LZIC: variants seen among roughly 807,000 people sequenced by gnomAD.
LZIC encodes leucine zipper and CTNNBIP1 domain containing, also known as protein LZIC.
In LZIC, 28 loss-of-function variants were observed where a neutral mutation model predicts 25.4. The observed-to-expected ratio is 1.10, with a 90% CI of 0.82 to 1.51. LZIC has a LOEUF of 1.51. Among genes scored for constraint, LZIC ranks in the 40% most tolerant of loss-of-function variants. LZIC has a pLI of 0.00. For missense variants in LZIC, 170 were observed against 211.1 expected (o/e 0.81, Z 1.21); for synonymous variants, 65 against 70.7 (o/e 0.92, Z 0.40).
At chr1:9,932,485 C>T (rs1370332903) in intron 6 of LZIC, among the ~76,000 whole-genome samples, 1 of 151,252 alleles carries the variant, frequency 6.6e-6, no homozygotes, top group Middle Eastern at 3.2e-3. Context: ...GAGTTCAAGA[C>T]CAGCCTGGCC....
chr1:9,932,765 T>C (rs750112839), intron 6 of LZIC, 38 bp downstream of exon 6: 11 of 1,175,798 alleles, frequency 9.4e-6, no homozygotes, highest in Admixed American at 1.7e-5. Context: ...AAATAATTCA[T>C]ACTTTTTCTT....
downstream of LZIC, among the ~76,000 whole-genome samples, chr1:9,923,934 T>C (rs1639920282): frequency 6.6e-6 from 1 of 152,132 alleles, no homozygotes; most frequent in Admixed American, 6.6e-5. Context: ...TGTATTTTTG[T>C]AGAGATGGGG....
rs768481714 is a variant in LZIC at position 9,932,784 on chromosome 1, A to C, written c.432+19T>G. ...AATTCATACTTTTTCTTTGTAACTA[A>C]TATATTAAATACTGGTACCTTCTCT... is the stretch of plus-strand genomic sequence containing the variant. On this transcript the variant is annotated intron_variant, in intron 6 of 7. Coordinates refer to ENST00000377223, the MANE Select transcript of LZIC (RefSeq NM_032368.5). 4.3e-6 allele frequency: 6 copies of C among 1,393,128 alleles called. No homozygotes were observed. Among genetic ancestry groups the C allele is most frequent in the Non-Finnish European group, 5.1e-6 (5 of 982,094 alleles). 86.3% of individuals were successfully genotyped at this position (1,393,128 alleles called of 1,614,324 possible). A position where few individuals can be genotyped will look rare whatever the true frequency, so the allele number is the denominator to read the frequency against.
rs1400016681 is a variant in LZIC, at chr1:9,932,855, T to TACA, written c.377_379dup (p.Leu126dup). On this transcript the variant is annotated inframe_insertion, in exon 6 of 8. Coordinates refer to ENST00000377223, the MANE Select transcript of LZIC (RefSeq NM_032368.5). The stretch of plus-strand genomic sequence containing the variant: ...TAGTATCTCCACTTTCTGTTGAGTG[T>TACA]ACAGGTCTCTTTCCAGCTTTCCTAC... The TACA allele has an allele frequency of 6.2e-7, 1 of 1,613,126 alleles. No homozygotes were observed. The highest frequency in any genetic ancestry group is 8.5e-7 in the Non-Finnish European group (1 of 1,179,186).
Position 9,942,636 on chromosome 1 carries a change from A to T in LZIC, c.-21T>A. The stretch of plus-strand genomic sequence containing the variant: ...CATTCATGCTCACCTGTCTCTTAGT[A>T]CTCTGATCTCTGCACAGTGCCGACC... On this transcript the variant is annotated 5_prime_UTR_variant, in exon 2 of 8. Coordinates refer to ENST00000377223, the MANE Select transcript of LZIC (RefSeq NM_032368.5). 1 of 1,286,252 alleles carries T rather than the reference A, an allele frequency of 7.8e-7. No individual in the cohort carries two copies. Among genetic ancestry groups the T allele is most frequent in the Non-Finnish European group, 1.0e-6 (1 of 986,216 alleles). The allele number at this position is 1,286,252 out of a possible 1,614,324, so 79.7% of individuals were successfully genotyped here. A position where few individuals can be genotyped will look rare whatever the true frequency, so the allele number is the denominator to read the frequency against.
At chr1:9,922,340 A>T (rs1639885751), downstream of LZIC, 1 of 985,120 alleles carries the variant, frequency 1.0e-6, no homozygotes, top group Non-Finnish European at 1.2e-6. Context: ...CAGGTAGTTC[A>T]TGTAACTTGG....
At chr1:9,934,354 A>G (rs1217194926) in intron 5 of LZIC, among the ~76,000 whole-genome samples, 1 of 152,202 alleles carries the variant, frequency 6.6e-6, no homozygotes, top group East Asian at 1.9e-4. Context: ...ATACTTACAA[A>G]TAATTTGGTA....
rs1244040187 is a variant in LZIC, at chr1:9,927,676, CTCT to C, written c.*2720_*2722del. On this transcript the variant is annotated 3_prime_UTR_variant, in exon 8 of 8. Coordinates refer to ENST00000377223, the MANE Select transcript of LZIC (RefSeq NM_032368.5). ...GCAGGGTAAGGGAAGAATCTTCTTC[CTCT>C]TTTTTTTTTTTTTTTTTTTTTTGAG... 7.7e-4 allele frequency among the ~76,000 whole-genome samples: 107 copies of C among 139,256 alleles called. No homozygotes were observed. The highest frequency in any genetic ancestry group is 2.8e-3 in the African/African-American group (97 of 35,080). The allele number at this position is 139,256 out of a possible 152,430, so 91.4% of individuals were successfully genotyped here.
At position 9,929,194 on chromosome 1, in the gene LZIC, T is replaced by G. The variant is rs1190651136; in HGVS notation, c.*1205A>C. On this transcript the variant is annotated 3_prime_UTR_variant, in exon 8 of 8. Coordinates refer to ENST00000377223, the MANE Select transcript of LZIC (RefSeq NM_032368.5). ...TTTTATGATATATGAATTTCACCTC[T>G]TTTAAGTTCCAAATAAGGCATCAGT... The G allele has an allele frequency of 4.0e-6, 2 of 503,738 alleles. No individual in the cohort carries two copies. Among genetic ancestry groups the G allele is most frequent in the Non-Finnish European group, 5.1e-6 (2 of 389,998 alleles). 31.2% of individuals were successfully genotyped at this position (503,738 alleles called of 1,614,324 possible).
At chr1:9,941,624 C>T in intron 2 of LZIC, among the ~76,000 whole-genome samples, 1 of 151,886 alleles carries the variant, frequency 6.6e-6, no homozygotes, top group East Asian at 1.9e-4. Flanking sequence ...CTCGGCCTCC[C>T]AAGTAGCTGG....
chr1:9,930,132 T>C lies in LZIC; in HGVS notation c.*267A>G, dbSNP rs1640146337. ...TAAAAATCAAGTCCACTTTGTTTTC[T>C]CTCTTAAACAGACAAATCATAACGA... On this transcript the variant is annotated 3_prime_UTR_variant, in exon 8 of 8. Coordinates refer to ENST00000377223, the MANE Select transcript of LZIC (RefSeq NM_032368.5). 5.1e-6 allele frequency: 6 copies of C among 1,186,040 alleles called. No homozygotes were observed. Among genetic ancestry groups the C allele is most frequent in the Non-Finnish European group, 6.3e-6 (6 of 954,106 alleles). 73.5% of individuals were successfully genotyped at this position (1,186,040 alleles called of 1,614,324 possible).
downstream of LZIC, chr1:9,922,482 C>G: frequency 4.2e-6 from 1 of 236,618 alleles, no homozygotes; most frequent in African/African-American, 2.3e-5. Context: ...GCTACAGGCT[C>G]CAGGGGGTAG....
At chr1:9,935,408 A>T in intron 4 of LZIC, 84 bp downstream of exon 4, 1 of 1,429,346 alleles carries the variant, frequency 7.0e-7, no homozygotes, top group Admixed American at 2.3e-5. Context: ...AGCCTGGGCG[A>T]CAGAGTAAGA....
At chr1:9,935,652 T>C (rs750293482) in intron 3 of LZIC, 25 bp from the exon 4 acceptor site, 6 of 1,575,962 alleles carry the variant, frequency 3.8e-6, no homozygotes, top group South Asian at 1.2e-5. Flanking sequence ...CATCATGATA[T>C]GGAAAAATGA....
At chr1:9,940,560 C>T (rs564120134) in intron 2 of LZIC, among the ~76,000 whole-genome samples, 8 of 152,122 alleles carry the variant, frequency 5.3e-5, no homozygotes, top group African/African-American at 1.7e-4. Flanking sequence ...CCTCGTGATC[C>T]GCCCGCCTCG....
In LZIC at chr1:9,928,213, T is replaced by C. The variant is rs1640072675; in HGVS notation, c.*2186A>G. Among the ~76,000 whole-genome samples the C allele has an allele frequency of 6.6e-6, 1 of 152,062 alleles. No homozygotes were observed. The highest frequency in any genetic ancestry group is 2.4e-5 in the African/African-American group (1 of 41,426). On this transcript the variant is annotated 3_prime_UTR_variant, in exon 8 of 8. Coordinates refer to ENST00000377223, the MANE Select transcript of LZIC (RefSeq NM_032368.5). ...CCTTAATCCCAGCTACTCGGGAGGC[T>C]GAGGCAGGAGAATCGCTTGAACCTG...
chr1:9,939,589 C>T (rs1640618088), intron 2 of LZIC, among the ~76,000 whole-genome samples: 2 of 114,452 alleles, frequency 1.7e-5, no homozygotes, highest in Admixed American at 2.7e-4. Flanking sequence ...GACAGTGTTT[C>T]GCCATGTTGG....
At chr1:9,932,059 G>T in intron 6 of LZIC, 87 bp from the exon 7 acceptor site, 1 of 851,924 alleles carries the variant, frequency 1.2e-6, no homozygotes. Flanking sequence ...AGGAGGCTGG[G>T]CACCGTGGCT....
intron 6 of LZIC, chr1:9,932,195 A>C: frequency 4.9e-6 from 2 of 404,254 alleles, no homozygotes; most frequent in Non-Finnish European, 4.5e-6. Flanking sequence ...AATACAAAAA[A>C]TCAGCTGGGC....
Sources: gnomAD v4.1 joint callset for allele counts (sites outside exome capture counted in the v4.1 genomes callset) on GRCh38, gnomAD v4.1.1 for gene constraint, MANE v1.5 for transcripts, NCBI Gene and HGNC (gene_info 2026-07-23, HGNC 2026-07-21) for gene names.